The following ZNF544 variants were observed in gnomAD, a reference collection of about 807,000 sequenced individuals.
ZNF544 encodes zinc finger protein 544.
Under a neutral mutation model 13.5 loss-of-function variants are expected in ZNF544, and 10 were observed. The ratio of observed to expected loss-of-function variants is 0.74; its 90% CI spans 0.46 to 1.25. The LOEUF is 1.25. ZNF544 is among the 50% of genes most tolerant of loss of function. The pLI is 0.00. For synonymous variants in ZNF544, 323 were observed against 300.5 expected, an observed-to-expected ratio of 1.07 and a Z score of -0.77; for missense variants, 896 against 845.6, an observed-to-expected ratio of 1.06 and a Z score of -0.74.
At chr19:58,264,427 C>G (rs909259435), downstream of ZNF544, among the ~76,000 whole-genome samples, 2 of 149,908 alleles carry the variant, frequency 1.3e-5, no homozygotes, top group Non-Finnish European at 3.0e-5. Context: ...CTTGGTGGCT[C>G]ATGCCTGTAA....
At chr19:58,243,842 G>T (rs1280419251) in intron 3 of ZNF544, 123 bp from the exon 4 acceptor site, 1 of 686,066 alleles carries the variant, frequency 1.5e-6, no homozygotes, top group African/African-American at 1.9e-5. Flanking sequence ...CCCCAGGCGT[G>T]AGGCCCATTC....
intron 5 of ZNF544, among the ~76,000 whole-genome samples, chr19:58,270,524 A>G (rs2147871149): frequency 6.6e-6 from 1 of 151,718 alleles, no homozygotes; most frequent in South Asian, 2.1e-4. Flanking sequence ...ATGGTCTCCA[A>G]CTCCTCACCT....
chr19:58,233,565 A>G (rs1243202984), intron 3 of ZNF544, among the ~76,000 whole-genome samples: 1 of 152,150 alleles, frequency 6.6e-6, no homozygotes, highest in Non-Finnish European at 1.5e-5. Flanking sequence ...GTGTCAAGGT[A>G]GGTTATAGAT....
At chr19:58,277,137 CCT>C (rs2051281660) in intron 6 of ZNF544, 3 of 1,219,184 alleles carry the variant, frequency 2.5e-6, no homozygotes, top group African/African-American at 3.1e-5. Context: ...AAAACCATGT[CCT>C]CTCATAATTT....
intron 6 of ZNF544, among the ~76,000 whole-genome samples, chr19:58,250,177 G>A (rs139901549): frequency 5.8e-4 from 88 of 152,340 alleles, no homozygotes; most frequent in African/African-American, 1.9e-3. Flanking sequence ...AAACATGTGG[G>A]TTAGCTTGTT....
At chr19:58,256,830 G>A (rs1357502506) in intron 6 of ZNF544, among the ~76,000 whole-genome samples, 1 of 152,156 alleles carries the variant, frequency 6.6e-6, no homozygotes, top group Non-Finnish European at 1.5e-5. Context: ...GAGTTTGTCC[G>A]GCCTTCCCAG....
At chr19:58,238,224 G>A (rs965017700) in intron 3 of ZNF544, among the ~76,000 whole-genome samples, 21 of 152,150 alleles carry the variant, frequency 1.4e-4, no homozygotes, top group African/African-American at 2.2e-4. Context: ...GAGTTACCAC[G>A]CCTGGCTGAG....
chr19:58,256,813 T>C (rs1473519453), intron 6 of ZNF544, among the ~76,000 whole-genome samples: 1 of 152,032 alleles, frequency 6.6e-6, no homozygotes, highest in Non-Finnish European at 1.5e-5. Flanking sequence ...AATTAAGGGG[T>C]CAATTGGAGT....
intron 5 of ZNF544, among the ~76,000 whole-genome samples, chr19:58,269,128 A>C (rs1313993630): frequency 2.6e-5 from 4 of 152,180 alleles, no homozygotes; most frequent in Non-Finnish European, 4.4e-5. Context: ...AAAACTGAGA[A>C]CACCACGACT....
intron 3 of ZNF544, among the ~76,000 whole-genome samples, chr19:58,240,348 C>T (rs1192566783): frequency 6.6e-6 from 1 of 151,844 alleles, no homozygotes; most frequent in African/African-American, 2.4e-5. Flanking sequence ...AGCTCCGCCT[C>T]CCGGGTTCAC....
At position 58,261,253 on chromosome 19, in the gene ZNF544, A is replaced by G. The variant is rs372083919; in HGVS notation, c.647A>G (p.His216Arg). ...NGADGKHCES[H>R]QCARAFCQSI... ...GCAGATGGGAAGCACTGTGAGAGTC[A>G]TCAGTGTGCTAGAGCTTTCTGTCAG... The change falls in exon 7 of 7, where the codon CAT becomes CGT. Residue 216 changes from histidine (H) to arginine (R), a missense_variant. Coordinates refer to ENST00000687789, the MANE Select transcript of ZNF544 (RefSeq NM_014480.4). 2.5e-5 allele frequency: 41 copies of G among 1,614,100 alleles called. No individual in the cohort carries two copies. The highest frequency in any genetic ancestry group is 3.3e-5 in the Non-Finnish European group (39 of 1,180,048).
At chr19:58,274,720 GTA>G (rs1490135161) in intron 5 of ZNF544, among the ~76,000 whole-genome samples, 1 of 152,148 alleles carries the variant, frequency 6.6e-6, no homozygotes, top group Non-Finnish European at 1.5e-5. Context: ...GAGTGGCATT[GTA>G]TTATATTTTT....
At chr19:58,245,824 T>C (rs1370319181) in intron 4 of ZNF544, 1 of 178,370 alleles carries the variant, frequency 5.6e-6, no homozygotes, top group Non-Finnish European at 1.2e-5. Flanking sequence ...GGAGTTCCTG[T>C]CATTTCCAGT....
chr19:58,243,089 A>C (rs984149361), intron 3 of ZNF544, among the ~76,000 whole-genome samples: 2 of 151,980 alleles, frequency 1.3e-5, no homozygotes, highest in African/African-American at 4.8e-5. Flanking sequence ...CAGCCTCCCA[A>C]AGTGTTGGGA....
downstream of ZNF544, among the ~76,000 whole-genome samples, chr19:58,268,026 G>A (rs565314771): frequency 5.9e-4 from 89 of 152,086 alleles, no homozygotes; most frequent in African/African-American, 1.9e-3. Flanking sequence ...CAGACTGGGC[G>A]TAGTGGCTCA....
chr19:58,273,614 C>T (rs545572590), intron 5 of ZNF544, among the ~76,000 whole-genome samples: 8 of 148,438 alleles, frequency 5.4e-5, no homozygotes, highest in South Asian at 2.2e-4. Context: ...CGCTTGAACC[C>T]GGGAGGTGGA....
At position 58,229,520 on chromosome 19, in the gene ZNF544, G is replaced by A. The variant is rs1483066236; in HGVS notation, c.-179G>A. On this transcript the variant is annotated 5_prime_UTR_variant, in exon 2 of 7. Transcript: ENST00000687789. ...CGGCACCAGGCAGGTGACGCCTATT[G>A]GACCCCAGAGGTCATCCCAGCTCCA... 1 of 152,280 alleles carries A rather than the reference G, an allele frequency of 6.6e-6. No individual in the cohort carries two copies. Among genetic ancestry groups the A allele is most frequent in the Admixed American group, 6.5e-5 (1 of 15,274 alleles). The allele number at this position is 152,280 out of a possible 1,614,324, so 9.4% of individuals were successfully genotyped here.
chr19:58,243,605 C>T (rs1471192456), intron 3 of ZNF544, among the ~76,000 whole-genome samples: 7 of 151,966 alleles, frequency 4.6e-5, no homozygotes, highest in Non-Finnish European at 8.8e-5. Context: ...CTTGTCCCCA[C>T]ACCCCCATTG....
Position 58,261,023 on chromosome 19 carries a change from C to G in ZNF544, c.417C>G (p.Ser139=). 1 of 1,614,158 alleles carries G rather than the reference C, an allele frequency of 6.2e-7. No homozygotes were observed. The highest frequency in any genetic ancestry group is 2.2e-5 in the East Asian group (1 of 44,888). ...AGTTAAGGGAACACCAGGAGAACTC[C>G]TTGAGGTTCATGGTACTCACCTCAG... ...SNQLREHQEN[S]LRFMVLTSER... The change falls in exon 7 of 7, where the codon TCC becomes TCG. Residue 139 remains serine, a synonymous_variant. Coordinates refer to ENST00000687789, the MANE Select transcript of ZNF544 (RefSeq NM_014480.4).
Sources: allele counts gnomAD v4.1 joint callset (sites outside exome capture counted in the v4.1 genomes callset), GRCh38; gene constraint gnomAD v4.1.1; transcripts MANE v1.5; gene names NCBI Gene and HGNC (gene_info 2026-07-23, HGNC 2026-07-21).